Variants in WWOX observed in about 807,000 individuals in gnomAD.
WWOX encodes the protein WW domain containing oxidoreductase.
A neutral mutation model predicts 46.2 loss-of-function variants in WWOX; 69 were observed. The observed-to-expected ratio is 1.49, with a 90% CI of 1.23 to 1.82. The LOEUF (loss-of-function observed/expected upper bound fraction) is 1.82, where lower values mean the gene tolerates loss of function less well. Ranked by LOEUF, WWOX falls within the 40% of genes most tolerant of loss-of-function variation. WWOX has a pLI of 0.00. For missense variants in WWOX, 919 were observed against 542.6 expected (o/e 1.69, Z -6.89); for synonymous variants, 359 against 202.6 (o/e 1.77, Z -6.56).
chr16:78,700,123 G>A (rs1025085743), intron 8 of WWOX, among the ~76,000 whole-genome samples: 1 of 151,306 alleles, frequency 6.6e-6, no homozygotes, highest in Admixed American at 6.6e-5. Flanking sequence ...CTAGTTACGT[G>A]GACTGTCTTA....
intron 5 of WWOX, among the ~76,000 whole-genome samples, chr16:78,238,555 G>A (rs142626983): frequency 2.0e-5 from 3 of 152,076 alleles, no homozygotes; most frequent in East Asian, 3.9e-4. Flanking sequence ...AAATGTCATT[G>A]TTATAGGATG....
intron 8 of WWOX, among the ~76,000 whole-genome samples, chr16:78,668,258 G>A (rs1032824231): frequency 6.6e-6 from 1 of 152,186 alleles, no homozygotes. Flanking sequence ...TCCAGCCTGT[G>A]TGACAGAGCA....
At chr16:78,727,257 G>C (rs1567518765) in intron 8 of WWOX, among the ~76,000 whole-genome samples, 1 of 152,262 alleles carries the variant, frequency 6.6e-6, no homozygotes, top group Middle Eastern at 3.4e-3. Flanking sequence ...AAATTAGCTG[G>C]GTTTGGTGAC....
At chr16:79,176,900 G>A (rs968704468) in intron 8 of WWOX, among the ~76,000 whole-genome samples, 4 of 152,084 alleles carry the variant, frequency 2.6e-5, no homozygotes, top group Admixed American at 2.0e-4. Context: ...AATCCAGGCC[G>A]ACTTTGGCTC....
intron 8 of WWOX, among the ~76,000 whole-genome samples, chr16:78,860,119 A>G (rs1033298704): frequency 3.3e-5 from 5 of 152,228 alleles, no homozygotes; most frequent in Non-Finnish European, 5.9e-5. Flanking sequence ...GAATTGTGGA[A>G]TATGAAGTAG....
At chr16:78,885,574 A>G (rs2044438201) in intron 8 of WWOX, among the ~76,000 whole-genome samples, 1 of 152,212 alleles carries the variant, frequency 6.6e-6, no homozygotes, top group African/African-American at 2.4e-5. Flanking sequence ...TTTCCAACAT[A>G]GAGTTCTGCT....
rs556581005 is a variant in WWOX, at chr16:78,952,006, C to G, written c.1057-259602C>G. On this transcript the variant is annotated intron_variant, in intron 8 of 8. Transcript: ENST00000566780. ...TATGCCATTCTAATCTTCCCACCCT[C>G]AGATAAACCACAGCAATGATTTTAT... 2.0e-5 allele frequency among the ~76,000 whole-genome samples: 3 copies of G among 152,294 alleles called. No individual in the cohort carries two copies. The East Asian group carries it at 5.8e-4, about 29-fold the overall frequency.
rs1046136460 is a variant in WWOX at position 78,141,870 on chromosome 16, A to C, written c.410-22313A>C. ...ATAACTGGCAGGTAATGGAAAAAAA[A>C]TTCAGTTACTGACAGCCTGTCATAG... On this transcript the variant is annotated intron_variant, in intron 4 of 8. Coordinates refer to ENST00000566780, the MANE Select transcript of WWOX (RefSeq NM_016373.4). Among the ~76,000 whole-genome samples, 9 of 152,254 alleles carry C rather than the reference A, an allele frequency of 5.9e-5. No homozygotes were observed. The East Asian group carries it at 1.5e-3, about 26-fold the overall frequency.
chr16:78,812,434 A>G (rs745589852), intron 8 of WWOX, among the ~76,000 whole-genome samples: 31 of 152,070 alleles, frequency 2.0e-4, no homozygotes, highest in African/African-American at 3.9e-4. Flanking sequence ...AAACAGAAAC[A>G]TATCTGACTG....
At chr16:78,539,095 C>A (rs534218162) in intron 8 of WWOX, among the ~76,000 whole-genome samples, 3 of 152,340 alleles carry the variant, frequency 2.0e-5, no homozygotes, top group Admixed American at 6.5e-5. Context: ...CAGGAACTTG[C>A]AACCCTGATA....
intron 8 of WWOX, among the ~76,000 whole-genome samples, chr16:78,806,874 C>T (rs1340422031): frequency 4.6e-5 from 7 of 152,104 alleles, no homozygotes; most frequent in East Asian, 3.9e-4. Context: ...GCAAACAGTT[C>T]GTGTCCTGCA....
At chr16:78,818,175 G>A (rs1264306336) in intron 8 of WWOX, among the ~76,000 whole-genome samples, 1 of 152,204 alleles carries the variant, frequency 6.6e-6, no homozygotes, top group African/African-American at 2.4e-5. Flanking sequence ...CCTTGCAGAA[G>A]GTAGTCTCTG....
chr16:78,686,649 A>G (rs1335828072), intron 8 of WWOX, among the ~76,000 whole-genome samples: 2 of 152,190 alleles, frequency 1.3e-5, no homozygotes, highest in Non-Finnish European at 2.9e-5. Context: ...TTTTTTCGGA[A>G]GTCCTCCAGT....
chr16:78,932,851 C>A (rs1040756591), intron 8 of WWOX, among the ~76,000 whole-genome samples: 2 of 152,182 alleles, frequency 1.3e-5, no homozygotes, highest in African/African-American at 2.4e-5. Flanking sequence ...ATTTGGAGGT[C>A]ATCTGGCCCA....
intron 5 of WWOX, among the ~76,000 whole-genome samples, chr16:78,380,652 T>G (rs1259200542): frequency 6.6e-6 from 1 of 152,022 alleles, no homozygotes; most frequent in African/African-American, 2.4e-5. Context: ...GGATCTAGAG[T>G]TATGAACTAC....
At chr16:78,391,159 TC>T (rs1295085595) in intron 6 of WWOX, among the ~76,000 whole-genome samples, 10 of 151,818 alleles carry the variant, frequency 6.6e-5, no homozygotes, top group Non-Finnish European at 1.5e-5. Flanking sequence ...ATCAGCCTCT[TC>T]CTGGATCTCT....
At chr16:78,776,727 C>T (rs188167218) in intron 8 of WWOX, among the ~76,000 whole-genome samples, 4 of 152,004 alleles carry the variant, frequency 2.6e-5, no homozygotes, top group South Asian at 2.1e-4. Context: ...AGAAAACTTA[C>T]GATCATGGTG....
intron 8 of WWOX, among the ~76,000 whole-genome samples, chr16:78,530,406 G>A (rs2043594220): frequency 6.6e-6 from 1 of 152,160 alleles, no homozygotes; most frequent in African/African-American, 2.4e-5. Flanking sequence ...GCTTTCACTG[G>A]GAAGATAAGC....
intron 8 of WWOX, among the ~76,000 whole-genome samples, chr16:78,617,402 CAAAAAA>C (rs33977792): frequency 7.4e-6 from 1 of 134,296 alleles, no homozygotes. Context: ...ACCTTGTATC[CAAAAAA>C]AAAAAAAAAA....
Sources: gnomAD v4.1 joint callset for allele counts (sites outside exome capture counted in the v4.1 genomes callset) on GRCh38, gnomAD v4.1.1 for gene constraint, MANE v1.5 for transcripts, NCBI Gene and HGNC (gene_info 2026-07-23, HGNC 2026-07-21) for gene names.